The following ZNF862 variants were observed in gnomAD, a reference collection of about 807,000 sequenced individuals.
The protein encoded by ZNF862 is zinc finger protein 862.
ZNF862 carries 64 observed loss-of-function variants against 91.1 expected under a neutral mutation model. The observed-to-expected ratio is 0.70, with a 90% confidence interval of 0.57 to 0.87. ZNF862 has a LOEUF of 0.87. Among genes scored for constraint, ZNF862 ranks in the 40% least tolerant of loss-of-function variants. The probability of loss-of-function intolerance (pLI) is 0.00; values close to 1 mark genes in which losing one functional copy is unlikely to be tolerated. For missense variants in ZNF862, 1,459 were observed against 1,528.0 expected, an observed-to-expected ratio of 0.95 and a Z score of 0.75; for synonymous variants, 631 against 618.1, an observed-to-expected ratio of 1.02 and a Z score of -0.31.
At position 149,866,853 on chromosome 7, in the gene ZNF862, C is replaced by G. The variant is rs551039271; in HGVS notation, c.*2569C>G. 2.6e-5 allele frequency: 4 copies of G among 152,394 alleles called. No homozygotes were observed. Among genetic ancestry groups the G allele is most frequent in the Admixed American group, 6.5e-5 (1 of 15,304 alleles). 9.4% of individuals were successfully genotyped at this position (152,394 alleles called of 1,614,324 possible). A position where few individuals can be genotyped will look rare whatever the true frequency, so the allele number is the denominator to read the frequency against. ...AGCATCCTTATCAGAGGCCCTGGCC[C>G]AGGCTGGCCCCTTTGCTTTGTTTGG... On this transcript the variant is annotated 3_prime_UTR_variant, in exon 8 of 8. Coordinates refer to ENST00000223210, the MANE Select transcript of ZNF862 (RefSeq NM_001099220.3).
chr7:149,841,763 C>G (rs904613553), intron 1 of ZNF862: 7 of 985,016 alleles, frequency 7.1e-6, no homozygotes, highest in Non-Finnish European at 8.4e-6. Context: ...TCTATCTTTC[C>G]TGTACAAGTG....
At position 149,864,272 on chromosome 7, in the gene ZNF862, C is replaced by CT. The variant is rs1563129418; in HGVS notation, c.3498_3499insT (p.Gly1167TrpfsTer28). 1.9e-6 allele frequency: 3 copies of CT among 1,599,370 alleles called. No individual in the cohort carries two copies. The highest frequency in any genetic ancestry group is 1.7e-6 in the Non-Finnish European group (2 of 1,173,934). On this transcript the variant is annotated frameshift_variant, in exon 8 of 8. Coordinates refer to ENST00000223210, the MANE Select transcript of ZNF862 (RefSeq NM_001099220.3). LOFTEE classifies it high-confidence loss of function. ...ATCCCCACACCAGCCAGGAGGCCCC[C>CT]GGGATGTCCTGAGGGACAGGGAGTC... is the stretch of plus-strand genomic sequence containing the variant.
At chr7:149,842,390 T>A (rs1801737486) in intron 1 of ZNF862, among the ~76,000 whole-genome samples, 1 of 152,222 alleles carries the variant, frequency 6.6e-6, no homozygotes. Context: ...AGAGAGTGAC[T>A]GGGAACCGCT....
rs1247745979 is a variant in ZNF862 at position 149,864,626 on chromosome 7, G to A, written c.*342G>A. On this transcript the variant is annotated 3_prime_UTR_variant, in exon 8 of 8. Transcript: ENST00000223210. ...AGTGTCCTGGTAGGGGAGACTGTTG[G>A]ACATCCCTGGGGAATGTTCCAGGGA... 4.4e-6 allele frequency: 1 copy of A among 224,754 alleles called. No homozygotes were observed. The highest frequency in any genetic ancestry group is 8.9e-6 in the Non-Finnish European group (1 of 112,658). 13.9% of individuals were successfully genotyped at this position (224,754 alleles called of 1,614,324 possible). A position where few individuals can be genotyped will look rare whatever the true frequency, so the allele number is the denominator to read the frequency against.
intron 5 of ZNF862, among the ~76,000 whole-genome samples, chr7:149,857,393 T>A (rs553207665): frequency 6.6e-6 from 1 of 152,272 alleles, no homozygotes; most frequent in Admixed American, 6.5e-5. Context: ...ATTTTTTTTA[T>A]TCTATTGGGT....
chr7:149,855,854 C>T lies in ZNF862; in HGVS notation c.1118-3568C>T, dbSNP rs1802242949. On this transcript the variant is annotated intron_variant, in intron 5 of 7. Coordinates refer to ENST00000223210, the MANE Select transcript of ZNF862 (RefSeq NM_001099220.3). The surrounding 1 kb of genome is among the most constrained non-coding windows in gnomAD (Gnocchi z 4.1). ...ACCTGGGATTGTAGGCCTTTCTCGA[C>T]ATGGCCACCTCCAAGGCACCCCATG... The T allele has an allele frequency of 6.6e-6, 1 of 152,322 alleles. No homozygotes were observed. Among genetic ancestry groups the T allele is most frequent in the African/African-American group, 2.4e-5 (1 of 41,454 alleles). The allele number at this position is 152,322 out of a possible 1,614,324, so 9.4% of individuals were successfully genotyped here. A position where few individuals can be genotyped will look rare whatever the true frequency, so the allele number is the denominator to read the frequency against.
At chr7:149,853,396 T>G (rs1449609291) in intron 5 of ZNF862, among the ~76,000 whole-genome samples, 1 of 152,242 alleles carries the variant, frequency 6.6e-6, no homozygotes, top group Non-Finnish European at 1.5e-5. Context: ...CTCCTTCTTT[T>G]TCCATTACTA....
chr7:149,846,575 T>A (rs1801879187), intron 3 of ZNF862, among the ~76,000 whole-genome samples: 2 of 150,374 alleles, frequency 1.3e-5, no homozygotes, highest in Admixed American at 1.3e-4. Flanking sequence ...ACCCAGCTGT[T>A]GCACAGTAGA....
rs754832160 is a variant in ZNF862, at chr7:149,861,917, G to A, written c.2757G>A (p.Ala919=). The stretch of plus-strand genomic sequence containing the variant: ...AGGTAGCGGAACAGCGGTTCCAGGC[G>A]GATAGGGAGAGGACAGTCCTGACGG... ...KLEVAEQRFQ[A]DRERTVLTGI... Residue 919 remains alanine (A), a synonymous_variant, in exon 7 of 8, where the codon GCG becomes GCA. Transcript: ENST00000223210. The surrounding 1 kb of genome is among the most constrained non-coding windows in gnomAD (Gnocchi z 6.7). 21 of 1,613,592 alleles carry A rather than the reference G, an allele frequency of 1.3e-5. No homozygotes were observed. The highest frequency in any genetic ancestry group is 1.5e-5 in the Non-Finnish European group (18 of 1,179,886).
rs1801713641 is a variant in ZNF862 at position 149,841,754 on chromosome 7, CTA to C, written c.25-2869_25-2868del. 3.0e-6 allele frequency: 3 copies of C among 985,270 alleles called. No homozygotes were observed. In the South Asian group the frequency reaches 1.4e-4, roughly 46 times the overall value. The allele number at this position is 985,270 out of a possible 1,614,324, so 61.0% of individuals were successfully genotyped here. ...CAACGTTTCTGTTTCTTGGCCCTCT[CTA>C]TCTTTCCTGTACAAGTGACTGATAC... On this transcript the variant is annotated intron_variant, in intron 1 of 7. Transcript: ENST00000223210.
At chr7:149,863,337 C>T (rs1194304870) in intron 7 of ZNF862, among the ~76,000 whole-genome samples, 2 of 142,486 alleles carry the variant, frequency 1.4e-5, no homozygotes, top group Middle Eastern at 3.3e-3. Context: ...GTTGCTGCTC[C>T]CAGTGCTCTC....
At chr7:149,844,511 T>G (rs1801806287) in intron 1 of ZNF862, 114 bp from the exon 2 acceptor site, 3 of 665,848 alleles carry the variant, frequency 4.5e-6, no homozygotes, top group Non-Finnish European at 8.1e-6. Context: ...GGGCCATGCA[T>G]GTAAATTGAC....
chr7:149,850,206 G>A lies in ZNF862; in HGVS notation c.985G>A (p.Glu329Lys). 1 of 1,599,468 alleles carries A rather than the reference G, an allele frequency of 6.3e-7. No individual in the cohort carries two copies. Among genetic ancestry groups the A allele is most frequent in the South Asian group, 1.1e-5 (1 of 88,916 alleles). The part of the protein sequence containing the change: ...GLSEEVPVVF[E>K]ELPVVFEDVA... ...GTCGGAGGAGGTTCCTGTGGTGTTT[G>A]AGGAGCTGCCGGTGGTGTTCGAGGA... The change falls in exon 5 of 8, where the codon GAG becomes AAG. Residue 329 changes from glutamate to lysine, a missense_variant. By Grantham distance (56) the Glu-to-Lys change is moderately conservative. Coordinates refer to ENST00000223210, the MANE Select transcript of ZNF862 (RefSeq NM_001099220.3). This position sits in a 1 kb window ranked among gnomAD's most constrained non-coding sequence, Gnocchi z 4.2.
At chr7:149,849,484 T>C (rs1311532095) in intron 4 of ZNF862, among the ~76,000 whole-genome samples, 5 of 152,214 alleles carry the variant, frequency 3.3e-5, no homozygotes, top group African/African-American at 1.2e-4. Context: ...ACCTATTGCA[T>C]AGAAGTAGAA....
intron 4 of ZNF862, among the ~76,000 whole-genome samples, chr7:149,849,694 C>T (rs1474913908): frequency 6.6e-6 from 1 of 152,212 alleles, no homozygotes. Flanking sequence ...ACCGATGTAA[C>T]CTTTTATCAT....
At position 149,865,101 on chromosome 7, in the gene ZNF862, T is replaced by G. The variant is rs1802665320; in HGVS notation, c.*817T>G. Reference sequence around the variant, plus strand: ...TGATTAATCCCTTCCTCTTTGTGCCTCAGTTTCCCTCTCCATGAAGTGGCA... The same window carrying G: ...TGATTAATCCCTTCCTCTTTGTGCCGCAGTTTCCCTCTCCATGAAGTGGCA... On this transcript the variant is annotated 3_prime_UTR_variant, in exon 8 of 8. Transcript: ENST00000223210. 6.6e-6 allele frequency: 1 copy of G among 152,250 alleles called. No individual in the cohort carries two copies. The highest frequency in any genetic ancestry group is 1.5e-5 in the Non-Finnish European group (1 of 68,094). 9.4% of individuals were successfully genotyped at this position (152,250 alleles called of 1,614,324 possible).
chr7:149,862,025 G>A lies in ZNF862; in HGVS notation c.2865G>A (p.Trp955Ter). 1.9e-6 allele frequency: 3 copies of A among 1,613,832 alleles called. No individual in the cohort carries two copies. Among genetic ancestry groups the A allele is most frequent in the Non-Finnish European group, 2.5e-6 (3 of 1,179,896 alleles). The change falls in exon 7 of 8, where the codon TGG (tryptophan) becomes TGA (stop). Residue 955 changes from tryptophan to a stop codon, truncating the protein, a stop_gained. Transcript: ENST00000223210. LOFTEE classifies it high-confidence loss of function. The part of the protein sequence containing the change: ...KNMEVFDTMA[W>*]PSGIELASFG... ...TGGAGGTGTTTGACACCATGGCCTG[G>A]CCAAGTGGGATTGAACTTGCCAGTT...
At chr7:149,841,345 T>C (rs1054625005) in intron 1 of ZNF862, 18 of 985,330 alleles carry the variant, frequency 1.8e-5, no homozygotes, top group African/African-American at 7.0e-5. Flanking sequence ...ACATTGAATG[T>C]AGGACATCTT....
intron 1 of ZNF862, among the ~76,000 whole-genome samples, chr7:149,838,941 C>T (rs1318991741): frequency 6.6e-6 from 1 of 152,234 alleles, no homozygotes; most frequent in African/African-American, 2.4e-5. Context: ...TCCCCACCAC[C>T]TTCGGCGTTT....
Sources: gnomAD v4.1 joint callset for allele counts (sites outside exome capture counted in the v4.1 genomes callset) on GRCh38, gnomAD v4.1.1 for gene constraint, Gnocchi (gnomAD v3.1) non-coding constraint, MANE v1.5 for transcripts, NCBI Gene and HGNC (gene_info 2026-07-23, HGNC 2026-07-21) for gene names.